Variants in ARHGAP25 observed in about 807,000 individuals in gnomAD.
The protein encoded by ARHGAP25 is Rho GTPase activating protein 25.
A neutral mutation model predicts 71.0 loss-of-function variants in ARHGAP25; 34 were observed. The observed-to-expected ratio is 0.48, with a 90% CI of 0.36 to 0.64. The LOEUF is 0.64. Ranked by LOEUF, ARHGAP25 falls within the 30% of genes least tolerant of loss-of-function variation. The pLI is 0.00. For missense variants in ARHGAP25, 706 were observed against 805.1 expected (o/e 0.88, Z 1.49); for synonymous variants, 282 against 296.5 (o/e 0.95, Z 0.50).
In ARHGAP25 at chr2:68,807,276, T is replaced by C. The variant is rs1434928296; in HGVS notation, c.470T>C (p.Val157Ala). ...GTTCTGTTTGCTCTCTCCTCAGCAGTGTTTGGCCAGCGCTTGGATGAGACT... is the reference window on the plus strand; with the variant it reads ...GTTCTGTTTGCTCTCTCCTCAGCAGCGTTTGGCCAGCGCTTGGATGAGACT... ...RRVAGTPCGA[V>A]FGQRLDETVA... The change falls in exon 5 of 11, where the codon GTG (valine) becomes GCG (alanine). Residue 157 changes from valine (V) to alanine (A), a missense_variant. By Grantham distance (64) the Val-to-Ala change is moderately conservative. Transcript: ENST00000409202. 6.2e-7 allele frequency: 1 copy of C among 1,614,146 alleles called. No homozygotes were observed. Among genetic ancestry groups the C allele is most frequent in the Non-Finnish European group, 8.5e-7 (1 of 1,180,006 alleles).
At chr2:68,732,419 G>C (rs1007299243), upstream of ARHGAP25, among the ~76,000 whole-genome samples, 1 of 152,174 alleles carries the variant, frequency 6.6e-6, no homozygotes, top group Non-Finnish European at 1.5e-5. Context: ...GAATTCCCCC[G>C]TGGAGATGCT....
intron 5 of ARHGAP25, 81 bp from the exon 6 acceptor site, chr2:68,813,206 G>A (rs1176825606): frequency 1.0e-5 from 15 of 1,454,360 alleles, no homozygotes; most frequent in Non-Finnish European, 1.3e-5. Context: ...TCTATTCACT[G>A]AATCATCAGA....
chr2:68,747,143 G>C (rs1372354763), intron 1 of ARHGAP25, among the ~76,000 whole-genome samples: 1 of 151,416 alleles, frequency 6.6e-6, no homozygotes, highest in African/African-American at 2.4e-5. Context: ...TTACTCAACT[G>C]TCCTGCAGCA....
intron 9 of ARHGAP25, among the ~76,000 whole-genome samples, chr2:68,820,014 G>A (rs1013284622): frequency 6.6e-6 from 1 of 152,244 alleles, no homozygotes; most frequent in African/African-American, 2.4e-5. Context: ...ATTTCTAGTT[G>A]ACCAGATGAT....
rs374877382 is a variant in ARHGAP25 at position 68,826,233 on chromosome 2, C to A, written c.*39C>A. On this transcript the variant is annotated 3_prime_UTR_variant, in exon 11 of 11. Transcript: ENST00000409202. ...ACTGCAGGGACAGCCCCAGAGAGGC[C>A]CAACTCTGGCCCCTTTCTCAGTGCT... 1.3e-6 allele frequency: 2 copies of A among 1,562,486 alleles called. No individual in the cohort carries two copies. Among genetic ancestry groups the A allele is most frequent in the Admixed American group, 3.3e-5 (2 of 59,844 alleles).
intron 1 of ARHGAP25, among the ~76,000 whole-genome samples, chr2:68,743,979 A>G (rs1167740691): frequency 6.6e-6 from 1 of 152,142 alleles, no homozygotes. Context: ...TTAGGAGAAA[A>G]TATCTTTAAA....
chr2:68,810,711 A>AATTT (rs1415926166), intron 5 of ARHGAP25, among the ~76,000 whole-genome samples: 1 of 143,654 alleles, frequency 7.0e-6, no homozygotes, highest in Admixed American at 7.5e-5. Flanking sequence ...CAAAAGATCC[A>AATTT]ATTTCTTTTC....
chr2:68,808,943 C>T (rs369197587), intron 5 of ARHGAP25, among the ~76,000 whole-genome samples: 5 of 152,080 alleles, frequency 3.3e-5, no homozygotes, highest in East Asian at 1.9e-4. Flanking sequence ...CCTTACCTTG[C>T]GACATCTCCA....
chr2:68,787,134 T>A (rs1203457143), intron 3 of ARHGAP25, among the ~76,000 whole-genome samples: 2 of 152,204 alleles, frequency 1.3e-5, no homozygotes, highest in African/African-American at 4.8e-5. Flanking sequence ...TCTCTTCGTC[T>A]CCTTCTCCCT....
intron 4 of ARHGAP25, among the ~76,000 whole-genome samples, chr2:68,801,840 T>C (rs534274702): frequency 6.6e-6 from 1 of 152,178 alleles, no homozygotes; most frequent in Non-Finnish European, 1.5e-5. Context: ...TGAGAAGACA[T>C]CCAAATTCAG....
intron 4 of ARHGAP25, among the ~76,000 whole-genome samples, chr2:68,790,256 C>T (rs1177893253): frequency 6.6e-6 from 1 of 152,178 alleles, no homozygotes; most frequent in Non-Finnish European, 1.5e-5. Context: ...TCCCAAAGTG[C>T]TGGGATTACA....
chr2:68,778,912 A>C (rs568356654), intron 2 of ARHGAP25, among the ~76,000 whole-genome samples: 1 of 152,296 alleles, frequency 6.6e-6, no homozygotes, highest in East Asian at 1.9e-4. Flanking sequence ...GAGTTCTCAG[A>C]AAGATCCTGT....
chr2:68,766,626 A>G (rs542927478), intron 1 of ARHGAP25, among the ~76,000 whole-genome samples: 3 of 152,278 alleles, frequency 2.0e-5, no homozygotes, highest in Admixed American at 2.0e-4. Context: ...GTGCAAAAAA[A>G]CCTTGCAATA....
intron 2 of ARHGAP25, among the ~76,000 whole-genome samples, chr2:68,780,155 A>T (rs1246189111): frequency 6.6e-6 from 1 of 152,204 alleles, no homozygotes; most frequent in Non-Finnish European, 1.5e-5. Flanking sequence ...TAGACTTCTT[A>T]TGAAGATTAG....
intron 1 of ARHGAP25, among the ~76,000 whole-genome samples, chr2:68,736,985 T>C (rs75452045): frequency 0.023 from 3,484 of 152,164 alleles, 134 homozygotes; most frequent in African/African-American, 0.078. Context: ...ACAATAAATA[T>C]TTGTTGGCTG....
chr2:68,723,609 T>A (rs1465770009), intron 2 of ARHGAP25, among the ~76,000 whole-genome samples: 1 of 152,204 alleles, frequency 6.6e-6, no homozygotes, highest in Non-Finnish European at 1.5e-5. Context: ...AGTCCCACAC[T>A]GCTAGCTGAG....
At chr2:68,793,528 G>T (rs921557114) in intron 4 of ARHGAP25, among the ~76,000 whole-genome samples, 1 of 152,244 alleles carries the variant, frequency 6.6e-6, no homozygotes, top group African/African-American at 2.4e-5. Context: ...TTATTGAAAA[G>T]GGTGTCTTTT....
At chr2:68,782,119 C>T in intron 2 of ARHGAP25, 114 bp from the exon 3 acceptor site, 1 of 923,620 alleles carries the variant, frequency 1.1e-6, no homozygotes, top group Non-Finnish European at 1.7e-6. Flanking sequence ...CTTCCCATGT[C>T]CCTATCCTCC....
chr2:68,808,782 A>G (rs957028815), intron 5 of ARHGAP25, among the ~76,000 whole-genome samples: 4 of 152,244 alleles, frequency 2.6e-5, no homozygotes, highest in Admixed American at 6.5e-5. Flanking sequence ...GAGCAATGCC[A>G]TATAGTGTGC....
Sources: gnomAD v4.1 joint callset for allele counts (sites outside exome capture counted in the v4.1 genomes callset) on GRCh38, gnomAD v4.1.1 for gene constraint, MANE v1.5 for transcripts, NCBI Gene and HGNC (gene_info 2026-07-23, HGNC 2026-07-21) for gene names.